The following SLC9D1 variants were observed in gnomAD, a reference collection of about 807,000 sequenced individuals.
SLC9D1 encodes putative LAG1-interacting protein.
chr13:113,506,583 T>A, the SLC9D1 span, among the ~76,000 whole-genome samples: 2 of 143,814 alleles, frequency 1.4e-5, no homozygotes, highest in Admixed American at 1.4e-4. Flanking sequence ...GTGTGTGTAA[T>A]TTAGAGAGGT....
At chr13:113,501,427 C>T in the SLC9D1 span, among the ~76,000 whole-genome samples, 27,925 of 152,112 alleles carry the variant, frequency 0.18, 3,370 homozygotes, top group African/African-American at 0.34. Flanking sequence ...CATACCATCC[C>T]GTTTTGTATC....
At chr13:113,498,982 C>T in the SLC9D1 span, among the ~76,000 whole-genome samples, 4 of 152,096 alleles carry the variant, frequency 2.6e-5, no homozygotes, top group Admixed American at 6.5e-5. Flanking sequence ...GGCGAGCAGC[C>T]CTGTGGGTTA....
chr13:113,542,450 A>G, the SLC9D1 span, among the ~76,000 whole-genome samples: 1 of 152,228 alleles, frequency 6.6e-6, no homozygotes, highest in African/African-American at 2.4e-5. Context: ...GATCACCTTC[A>G]GGGGAGAATG....
the SLC9D1 span, among the ~76,000 whole-genome samples, chr13:113,526,224 A>G: frequency 6.6e-6 from 1 of 152,244 alleles, no homozygotes; most frequent in African/African-American, 2.4e-5. Context: ...AAAAGTTTAA[A>G]AAGTTAAAAA....
chr13:113,521,670 G>C, the SLC9D1 span, among the ~76,000 whole-genome samples: 2 of 152,066 alleles, frequency 1.3e-5, no homozygotes, highest in Admixed American at 6.5e-5. Flanking sequence ...AACGTAAACT[G>C]CACCTGCTTG....
the SLC9D1 span, chr13:113,505,259 C>T: frequency 1.3e-5 from 2 of 152,086 alleles, no homozygotes; most frequent in South Asian, 4.1e-4. Context: ...TGGATTTGTA[C>T]ACTCTTTTTG....
chr13:113,539,135 A>G, the SLC9D1 span, among the ~76,000 whole-genome samples: 2 of 152,256 alleles, frequency 1.3e-5, no homozygotes, highest in African/African-American at 2.4e-5. This position sits in a 1 kb window ranked among gnomAD's most constrained non-coding sequence, Gnocchi z 4.8. Context: ...ATATTTTTAA[A>G]CAATTTTTTT....
chr13:113,526,081 C>G, the SLC9D1 span, among the ~76,000 whole-genome samples: 1 of 152,094 alleles, frequency 6.6e-6, no homozygotes, highest in Non-Finnish European at 1.5e-5. Flanking sequence ...TAGGAGACGA[C>G]AGCTCTGTGC....
the SLC9D1 span, among the ~76,000 whole-genome samples, chr13:113,500,955 C>T: frequency 2.6e-5 from 4 of 152,150 alleles, no homozygotes; most frequent in Non-Finnish European, 5.9e-5. Flanking sequence ...ATTCTTTCTC[C>T]CTTTGTAATG....
chr13:113,491,047 G>A, the SLC9D1 span: 3 of 157,902 alleles, frequency 1.9e-5, no homozygotes, highest in East Asian at 1.8e-4. Context: ...TTGGCTGAGC[G>A]GGGGCGGTGC....
At chr13:113,494,914 G>A in the SLC9D1 span, among the ~76,000 whole-genome samples, 4 of 151,576 alleles carry the variant, frequency 2.6e-5, no homozygotes, top group South Asian at 6.2e-4. Flanking sequence ...ACAGAGTTTT[G>A]CTGTTGTTGC....
At chr13:113,516,595 G>GAA in the SLC9D1 span, among the ~76,000 whole-genome samples, 1 of 150,892 alleles carries the variant, frequency 6.6e-6, no homozygotes, top group Non-Finnish European at 1.5e-5. Flanking sequence ...GAAAAGAAAA[G>GAA]AAATTTGTAT....
chr13:113,537,830 C>T, the SLC9D1 span, among the ~76,000 whole-genome samples: 7 of 152,148 alleles, frequency 4.6e-5, no homozygotes, highest in South Asian at 2.1e-4. Flanking sequence ...GAATGCCATG[C>T]GTTGAAAAGA....
chr13:113,507,722 T>A, the SLC9D1 span, among the ~76,000 whole-genome samples: 1 of 152,242 alleles, frequency 6.6e-6, no homozygotes, highest in Non-Finnish European at 1.5e-5. Context: ...TCATTGTGGT[T>A]GGGAGTTTCG....
the SLC9D1 span, among the ~76,000 whole-genome samples, chr13:113,516,502 C>A: frequency 1.3e-5 from 2 of 150,762 alleles, no homozygotes; most frequent in Non-Finnish European, 2.9e-5. Flanking sequence ...GGAGGCGGAG[C>A]TTCCAGTGAG....
the SLC9D1 span, among the ~76,000 whole-genome samples, chr13:113,538,007 G>C: frequency 1.8e-4 from 27 of 150,140 alleles, no homozygotes; most frequent in African/African-American, 5.8e-4. Flanking sequence ...GTGTACATGT[G>C]TGTGCTTTGT....
chr13:113,546,165 G>A, the SLC9D1 span, among the ~76,000 whole-genome samples: 1 of 152,192 alleles, frequency 6.6e-6, no homozygotes, highest in Admixed American at 6.5e-5. The surrounding 1 kb of genome is among the most constrained non-coding windows in gnomAD (Gnocchi z 7.1). Flanking sequence ...GGCCGTGACG[G>A]TAGTGACTTC....
chr13:113,526,143 A>T, the SLC9D1 span, among the ~76,000 whole-genome samples: 2 of 152,258 alleles, frequency 1.3e-5, no homozygotes, highest in African/African-American at 4.8e-5. Flanking sequence ...GACGTGGAAG[A>T]CAGCGACACT....
the SLC9D1 span, among the ~76,000 whole-genome samples, chr13:113,544,331 CTGCTGCGCCGAAGGA>C: frequency 6.6e-6 from 1 of 152,218 alleles, no homozygotes; most frequent in Non-Finnish European, 1.5e-5. Flanking sequence ...TGAGGAAGGG[CTGCTGCGCCGAAGGA>C]TGGCCCAGAA....
Sources: allele counts gnomAD v4.1 joint callset (sites outside exome capture counted in the v4.1 genomes callset), GRCh38; gene constraint gnomAD v4.1.1; non-coding constraint Gnocchi (gnomAD v3.1); transcripts MANE v1.5; gene names NCBI Gene and HGNC (gene_info 2026-07-23, HGNC 2026-07-21).